HTT: variants seen among roughly 807,000 people sequenced by gnomAD.
HTT encodes the protein huntingtin, also known as huntington disease protein.
In HTT, 104 loss-of-function variants were observed where a neutral mutation model predicts 362.3. The observed-to-expected ratio is 0.29, with a 90% CI of 0.24 to 0.34. The LOEUF is 0.34. HTT is among the 10% of genes least tolerant of loss of function. The pLI, the probability that HTT is intolerant of heterozygous loss-of-function variation, is 1.00. For missense variants in HTT, 3,301 were observed against 3,928.6 expected, an observed-to-expected ratio of 0.84 and a Z score of 4.27; for synonymous variants, 1,577 against 1,548.7, an observed-to-expected ratio of 1.02 and a Z score of -0.43.
At chr4:3,081,579 A>T (rs2110136628) in intron 1 of HTT, among the ~76,000 whole-genome samples, 1 of 104,944 alleles carries the variant, frequency 9.5e-6, no homozygotes. Flanking sequence ...TTTTTTTGAG[A>T]CGGAGTTTCA....
At chr4:3,140,274 AAAG>A (rs1175491184) in intron 21 of HTT, among the ~76,000 whole-genome samples, 1 of 151,630 alleles carries the variant, frequency 6.6e-6, no homozygotes, top group Non-Finnish European at 1.5e-5. Flanking sequence ...AAAAAAAAAA[AAAG>A]AAAAAAAGAA....
At chr4:3,083,471 C>T (rs1713019161) in intron 1 of HTT, among the ~76,000 whole-genome samples, 1 of 148,382 alleles carries the variant, frequency 6.7e-6, no homozygotes, top group Non-Finnish European at 1.5e-5. Context: ...CTGCAGTGAG[C>T]TATGATTATG....
chr4:3,088,073 G>A (rs973860094), intron 2 of HTT, among the ~76,000 whole-genome samples: 3 of 152,084 alleles, frequency 2.0e-5, no homozygotes, highest in Admixed American at 1.3e-4. Flanking sequence ...CCAACCTTAG[G>A]TGATCTGCCC....
chr4:3,209,614 G>C (rs1333642895), intron 46 of HTT, among the ~76,000 whole-genome samples: 1 of 152,176 alleles, frequency 6.6e-6, no homozygotes, highest in Non-Finnish European at 1.5e-5. Context: ...ACCAGGTGAA[G>C]GGGGAGGCTG....
chr4:3,200,711 A>G (rs1480270849), intron 41 of HTT, among the ~76,000 whole-genome samples: 1 of 152,194 alleles, frequency 6.6e-6, no homozygotes, highest in Non-Finnish European at 1.5e-5. Context: ...TCAGCTGGAA[A>G]GTCCACTGTT....
Position 3,182,343 on chromosome 4 carries a change from C to T in HTT, c.4750-11C>T, listed in dbSNP as rs570132310. On this transcript the variant is annotated splice_polypyrimidine_tract_variant and intron_variant, in intron 36 of 66. Coordinates refer to ENST00000355072, the MANE Select transcript of HTT (RefSeq NM_001388492.1). Reference sequence around the variant, plus strand: ...TGGCAGCAGACTTTCTAATTGTGCACGCTCTTATAGGTGTTGGAGATGTTC... The same window carrying T: ...TGGCAGCAGACTTTCTAATTGTGCATGCTCTTATAGGTGTTGGAGATGTTC... 79 of 1,576,228 alleles carry T rather than the reference C, an allele frequency of 5.0e-5. No homozygotes were observed. The East Asian group carries it at 1.4e-3, about 27-fold the overall frequency.
intron 37 of HTT, among the ~76,000 whole-genome samples, chr4:3,185,785 C>T (rs575730520): frequency 2.0e-5 from 3 of 152,140 alleles, no homozygotes; most frequent in East Asian, 3.9e-4. Flanking sequence ...TGGTGGTGTG[C>T]GCCTGTAGTC....
intron 40 of HTT, among the ~76,000 whole-genome samples, chr4:3,191,197 G>A (rs1718997762): frequency 6.8e-6 from 1 of 148,080 alleles, no homozygotes; most frequent in Non-Finnish European, 1.5e-5. Flanking sequence ...TTTTGAGACA[G>A]AGTTTCACTC....
chr4:3,238,083 A>G (rs1228058383), intron 64 of HTT, among the ~76,000 whole-genome samples: 2 of 151,540 alleles, frequency 1.3e-5, no homozygotes, highest in African/African-American at 2.4e-5. Flanking sequence ...GTAGCTTTCA[A>G]ACTCCTCTTA....
At chr4:3,185,842 C>T (rs965147998) in intron 37 of HTT, among the ~76,000 whole-genome samples, 6 of 151,830 alleles carry the variant, frequency 4.0e-5, no homozygotes, top group Admixed American at 1.3e-4. Context: ...TGAGCCCATT[C>T]GTGCGCCACT....
intron 4 of HTT, among the ~76,000 whole-genome samples, chr4:3,105,015 A>G (rs146448586): frequency 6.6e-6 from 1 of 152,304 alleles, no homozygotes; most frequent in African/African-American, 2.4e-5. Flanking sequence ...TATTTCCATC[A>G]CTGAGCAAAC....
At chr4:3,237,735 G>A (rs1003470091) in intron 64 of HTT, among the ~76,000 whole-genome samples, 11 of 152,160 alleles carry the variant, frequency 7.2e-5, no homozygotes, top group South Asian at 2.1e-4. Flanking sequence ...GCTGCTTCCC[G>A]TGTGTCTCAG....
intron 57 of HTT, among the ~76,000 whole-genome samples, chr4:3,227,888 T>G (rs1165394372): frequency 6.6e-6 from 1 of 152,058 alleles, no homozygotes; most frequent in Non-Finnish European, 1.5e-5. Context: ...CTACTTGCTT[T>G]TGGGAAAGAG....
intron 48 of HTT, 78 bp from the exon 49 acceptor site, chr4:3,212,486 A>T: frequency 6.6e-7 from 1 of 1,516,960 alleles, no homozygotes. Flanking sequence ...AGATTCTCAG[A>T]GAATTGCTTG....
chr4:3,111,125 GT>G (rs1257439747), intron 6 of HTT, among the ~76,000 whole-genome samples: 2 of 151,264 alleles, frequency 1.3e-5, no homozygotes, highest in East Asian at 3.9e-4. Context: ...TCAAGCAGCT[GT>G]TCTGCCTCAC....
chr4:3,212,291 G>A (rs759914166), intron 48 of HTT, 149 bp downstream of exon 48: 2 of 731,122 alleles, frequency 2.7e-6, no homozygotes, highest in Non-Finnish European at 2.2e-6. Flanking sequence ...GGGTGTCCTC[G>A]GCTCAGAATT....
intron 29 of HTT, among the ~76,000 whole-genome samples, chr4:3,165,355 A>G (rs1717649069): frequency 6.6e-6 from 1 of 150,928 alleles, no homozygotes; most frequent in African/African-American, 2.4e-5. Flanking sequence ...CCTTTCCTTC[A>G]TTTCAATCTT....
chr4:3,166,520 C>G (rs981437365), intron 29 of HTT, among the ~76,000 whole-genome samples: 14 of 152,256 alleles, frequency 9.2e-5, no homozygotes, highest in African/African-American at 3.4e-4. Flanking sequence ...TGCCCTTCCC[C>G]CAGAGGTGGA....
rs374675594 is a variant in HTT, at chr4:3,132,984, G to A, written c.2493+73G>A. Reference sequence around the variant, plus strand: ...TATCATTGCTACAATTAAAATTGGAGCTTAATAGGAAATATTTCCATGCAC... The same window carrying A: ...TATCATTGCTACAATTAAAATTGGAACTTAATAGGAAATATTTCCATGCAC... On this transcript the variant is annotated intron_variant, in intron 18 of 66. Transcript: ENST00000355072. 3.4e-5 allele frequency: 38 copies of A among 1,123,806 alleles called. No homozygotes were observed. The African/African-American group carries it at 5.0e-4, about 15-fold the overall frequency. 69.6% of individuals were successfully genotyped at this position (1,123,806 alleles called of 1,614,324 possible).
Sources: gnomAD v4.1 joint callset for allele counts (sites outside exome capture counted in the v4.1 genomes callset) on GRCh38, gnomAD v4.1.1 for gene constraint, MANE v1.5 for transcripts, NCBI Gene and HGNC (gene_info 2026-07-23, HGNC 2026-07-21) for gene names.